Variants in DCC observed in about 807,000 individuals in gnomAD.
DCC encodes the protein DCC netrin 1 receptor, also known as netrin receptor DCC.
Under a neutral mutation model 172.5 loss-of-function variants are expected in DCC, and 58 were observed. That is an observed-to-expected ratio of 0.34 (90% CI 0.27 to 0.42). The LOEUF is 0.42. Among genes scored for constraint, DCC ranks in the 10% least tolerant of loss-of-function variants. DCC has a pLI of 1.00. For synonymous variants in DCC, 709 were observed against 644.5 expected (o/e 1.10, Z -1.52); for missense variants, 1,740 against 1,791.0 (o/e 0.97, Z 0.51).
At chr18:52,816,157 C>T (rs1310776959) in intron 2 of DCC, among the ~76,000 whole-genome samples, 1 of 152,180 alleles carries the variant, frequency 6.6e-6, no homozygotes, top group Non-Finnish European at 1.5e-5. Flanking sequence ...GAATCAGTAA[C>T]TTGGTCACAC....
At chr18:53,243,436 T>G (rs1171056873) in intron 12 of DCC, among the ~76,000 whole-genome samples, 1 of 152,074 alleles carries the variant, frequency 6.6e-6, no homozygotes, top group African/African-American at 2.4e-5. Flanking sequence ...TGAAAATCAT[T>G]TCAAAGGCTT....
At chr18:52,365,440 A>C (rs929875732) in intron 1 of DCC, among the ~76,000 whole-genome samples, 3 of 152,242 alleles carry the variant, frequency 2.0e-5, no homozygotes, top group African/African-American at 7.2e-5. Flanking sequence ...TTGTGTTAAT[A>C]TCTCTGGAAA....
chr18:53,389,491 T>C (rs551822042), intron 16 of DCC, among the ~76,000 whole-genome samples: 1 of 152,324 alleles, frequency 6.6e-6, no homozygotes, highest in East Asian at 1.9e-4. Context: ...TGAAATTGCC[T>C]AGTGCTACAC....
chr18:53,486,552 C>A (rs2045902077), intron 25 of DCC, among the ~76,000 whole-genome samples: 2 of 152,102 alleles, frequency 1.3e-5, no homozygotes, highest in African/African-American at 4.8e-5. Flanking sequence ...TTAACTGTTT[C>A]TTTGTTTGGA....
At chr18:53,307,090 GTTTA>G (rs1452738463) in intron 13 of DCC, among the ~76,000 whole-genome samples, 1 of 152,112 alleles carries the variant, frequency 6.6e-6, no homozygotes, top group Non-Finnish European at 1.5e-5. Context: ...AAAGTAACTT[GTTTA>G]TTTATTTTTT....
intron 3 of DCC, among the ~76,000 whole-genome samples, chr18:52,911,654 A>G (rs1389665270): frequency 6.6e-6 from 1 of 152,018 alleles, no homozygotes; most frequent in East Asian, 1.9e-4. Context: ...CACTGACATA[A>G]ACATACACCC....
At chr18:52,403,383 A>G (rs750020799) in intron 1 of DCC, among the ~76,000 whole-genome samples, 8 of 151,934 alleles carry the variant, frequency 5.3e-5, no homozygotes, top group Non-Finnish European at 7.4e-5. Flanking sequence ...CAAGTCTTTC[A>G]CTGCCCCTGT....
At chr18:52,776,544 C>A (rs111235458) in intron 2 of DCC, among the ~76,000 whole-genome samples, 3,423 of 152,110 alleles carry the variant, frequency 0.023, 125 homozygotes, top group African/African-American at 0.078. Flanking sequence ...AGGGGAAGGA[C>A]GTTTACAAAT....
At chr18:52,654,695 G>T (rs1454840138) in intron 1 of DCC, among the ~76,000 whole-genome samples, 1 of 152,068 alleles carries the variant, frequency 6.6e-6, no homozygotes, top group East Asian at 1.9e-4. Flanking sequence ...TATATCCTAG[G>T]TACTGGGGGT....
intron 1 of DCC, among the ~76,000 whole-genome samples, chr18:52,502,682 ATACT>A (rs2144630182): frequency 6.6e-6 from 1 of 152,166 alleles, no homozygotes; most frequent in South Asian, 2.1e-4. Flanking sequence ...AAGCTGACAA[ATACT>A]TACTTTATTG....
At chr18:52,960,127 A>T (rs1194685982) in intron 5 of DCC, among the ~76,000 whole-genome samples, 2 of 152,064 alleles carry the variant, frequency 1.3e-5, no homozygotes, top group Admixed American at 6.6e-5. Flanking sequence ...ATAGCTACTC[A>T]AAATTTTCCT....
chr18:53,350,146 G>A (rs1014040324), intron 15 of DCC, among the ~76,000 whole-genome samples: 1 of 151,974 alleles, frequency 6.6e-6, no homozygotes, highest in African/African-American at 2.4e-5. Flanking sequence ...AACAAACATG[G>A]CAAATATTCC....
intron 1 of DCC, among the ~76,000 whole-genome samples, chr18:52,467,091 G>A (rs570093893): frequency 1.9e-4 from 29 of 151,760 alleles, no homozygotes; most frequent in Non-Finnish European, 3.7e-4. Context: ...ATACATGTGC[G>A]GAATGTGCAG....
At chr18:53,327,148 C>A (rs919095658) in intron 14 of DCC, among the ~76,000 whole-genome samples, 1 of 152,156 alleles carries the variant, frequency 6.6e-6, no homozygotes, top group Non-Finnish European at 1.5e-5. Context: ...TGGAGAAATA[C>A]CCCAAGTCCT....
chr18:52,373,131 A>G (rs1280511880), intron 1 of DCC, among the ~76,000 whole-genome samples: 1 of 152,184 alleles, frequency 6.6e-6, no homozygotes, highest in African/African-American at 2.4e-5. Context: ...GAATAGTTTA[A>G]TGGGAGAAGA....
chr18:53,175,273 G>T, intron 8 of DCC, among the ~76,000 whole-genome samples: 1 of 151,656 alleles, frequency 6.6e-6, no homozygotes, highest in African/African-American at 2.4e-5. Context: ...GCACAAGACA[G>T]GGATGCCCTC....
At chr18:52,903,871 G>A (rs540005447) in intron 2 of DCC, among the ~76,000 whole-genome samples, 1 of 152,292 alleles carries the variant, frequency 6.6e-6, no homozygotes, top group South Asian at 2.1e-4. Flanking sequence ...ATCTGTAGTA[G>A]ATTAACGTAC....
At chr18:52,502,031 A>G (rs1350121927) in intron 1 of DCC, among the ~76,000 whole-genome samples, 1 of 152,208 alleles carries the variant, frequency 6.6e-6, no homozygotes, top group Non-Finnish European at 1.5e-5. Flanking sequence ...GTTAATGGAT[A>G]AATAGAAGTT....
At chr18:52,822,873 T>G (rs1174354703) in intron 2 of DCC, among the ~76,000 whole-genome samples, 1 of 152,222 alleles carries the variant, frequency 6.6e-6, no homozygotes, top group Non-Finnish European at 1.5e-5. Context: ...AGGATTTGTT[T>G]TAGCATTAAT....
Sources: allele counts gnomAD v4.1 joint callset (sites outside exome capture counted in the v4.1 genomes callset), GRCh38; gene constraint gnomAD v4.1.1; transcripts MANE v1.5; gene names NCBI Gene and HGNC (gene_info 2026-07-23, HGNC 2026-07-21).